LRBA: variants seen among roughly 807,000 people sequenced by gnomAD.
The protein encoded by LRBA is LPS responsive beige-like anchor protein.
LRBA carries 176 observed loss-of-function variants against 330.0 expected under a neutral mutation model. That is an observed-to-expected ratio of 0.53 (90% CI 0.47 to 0.60). The LOEUF is 0.60. Ranked by LOEUF, LRBA falls within the 20% of genes least tolerant of loss-of-function variation. The pLI is 0.00. For synonymous variants in LRBA, 1,230 were observed against 1,193.0 expected (o/e 1.03, Z -0.64); for missense variants, 3,259 against 3,444.8 (o/e 0.95, Z 1.35).
intron 40 of LRBA, among the ~76,000 whole-genome samples, chr4:150,551,739 C>T (rs763197392): frequency 3.3e-5 from 5 of 151,908 alleles, no homozygotes; most frequent in South Asian, 2.1e-4. Flanking sequence ...ATAAGTTATA[C>T]ATGAGAGAGC....
chr4:150,315,399 T>C (rs1243032751), intron 51 of LRBA, 162 bp downstream of exon 51: 1 of 682,346 alleles, frequency 1.5e-6, no homozygotes, highest in Non-Finnish European at 2.6e-6. Flanking sequence ...GTTGATGAAA[T>C]ACCAGCATAG....
chr4:150,358,305 A>G (rs1738167139), intron 47 of LRBA, among the ~76,000 whole-genome samples: 2 of 152,118 alleles, frequency 1.3e-5, no homozygotes, highest in African/African-American at 4.8e-5. Context: ...GAGTCCCAGG[A>G]CTAATAACCT....
At chr4:150,422,819 C>G (rs575177906) in intron 46 of LRBA, 39 of 1,467,982 alleles carry the variant, frequency 2.7e-5, no homozygotes, top group Non-Finnish European at 3.5e-5. Context: ...TGCCCTGGAA[C>G]TTGCCCTGCA....
At chr4:150,363,377 T>G (rs997031549) in intron 47 of LRBA, among the ~76,000 whole-genome samples, 3 of 152,152 alleles carry the variant, frequency 2.0e-5, no homozygotes, top group Non-Finnish European at 4.4e-5. Flanking sequence ...ATATATTTAT[T>G]CTCTCTCTTT....
Position 150,583,606 on chromosome 4 carries a change from C to T in LRBA, c.6330+4442G>A. 1 of 1,614,026 alleles carries T rather than the reference C, an allele frequency of 6.2e-7. No individual in the cohort carries two copies. Among genetic ancestry groups the T allele is most frequent in the Non-Finnish European group, 8.5e-7 (1 of 1,180,016 alleles). ...GGCACAGTGGCCTATGCCCCACATCCCTTGGCCCGGCCCCAATCGGGTGGC... is the reference window on the plus strand; with the variant it reads ...GGCACAGTGGCCTATGCCCCACATCTCTTGGCCCGGCCCCAATCGGGTGGC... On this transcript the variant is annotated intron_variant, in intron 40 of 56. Coordinates refer to ENST00000651943, the MANE Select transcript of LRBA (RefSeq NM_001364905.1). This position sits in a 1 kb window ranked among gnomAD's most constrained non-coding sequence, Gnocchi z 9.8.
At chr4:150,562,841 C>T (rs559097836) in intron 40 of LRBA, among the ~76,000 whole-genome samples, 1 of 151,872 alleles carries the variant, frequency 6.6e-6, no homozygotes, top group South Asian at 2.1e-4. Context: ...GCTCTGTTGA[C>T]CAGGCTGGAA....
intron 47 of LRBA, among the ~76,000 whole-genome samples, chr4:150,398,825 G>T (rs1745096464): frequency 6.6e-6 from 1 of 151,964 alleles, no homozygotes; most frequent in Non-Finnish European, 1.5e-5. Flanking sequence ...ACAGAGTCTT[G>T]CTGTGTTGTT....
chr4:150,998,047 T>C (rs75847444), intron 2 of LRBA, among the ~76,000 whole-genome samples: 44 of 152,120 alleles, frequency 2.9e-4, no homozygotes, highest in Non-Finnish European at 5.0e-4. Flanking sequence ...CTTTTTTTTT[T>C]CTTTTTTAAG....
At chr4:150,529,670 C>A (rs58179947) in intron 40 of LRBA, among the ~76,000 whole-genome samples, 2 of 150,040 alleles carry the variant, frequency 1.3e-5, no homozygotes, top group African/African-American at 2.5e-5. Flanking sequence ...TGCAGTGAGC[C>A]GAGATCATGC....
intron 36 of LRBA, among the ~76,000 whole-genome samples, chr4:150,734,680 T>G (rs529036532): frequency 8.5e-5 from 13 of 152,324 alleles, no homozygotes; most frequent in Admixed American, 2.0e-4. Context: ...TTTGTATTTC[T>G]TATACATGTT....
chr4:150,977,230 G>A (rs910472005), intron 2 of LRBA, among the ~76,000 whole-genome samples: 12 of 152,210 alleles, frequency 7.9e-5, no homozygotes, highest in South Asian at 2.1e-4. Context: ...CTTGAGGAGA[G>A]GAGAGTGAAA....
intron 36 of LRBA, among the ~76,000 whole-genome samples, chr4:150,720,507 A>C (rs1728794586): frequency 1.3e-5 from 2 of 152,122 alleles, no homozygotes; most frequent in South Asian, 4.1e-4. Flanking sequence ...TATCCCGGAC[A>C]AAATAAAACA....
At chr4:150,461,198 G>A (rs574673339) in intron 44 of LRBA, among the ~76,000 whole-genome samples, 1 of 151,862 alleles carries the variant, frequency 6.6e-6, no homozygotes, top group South Asian at 2.1e-4. Flanking sequence ...ACTTCAGCAT[G>A]AGAAGTGAAA....
chr4:150,445,369 CTCTCTCTCTATATATATA>C (rs1752465520), intron 44 of LRBA, among the ~76,000 whole-genome samples: 2 of 84,392 alleles, frequency 2.4e-5, no homozygotes, highest in Non-Finnish European at 2.4e-5. Context: ...CTCTCTCTCT[CTCTCTCTCTATATATATA>C]TATATATATA....
chr4:150,985,980 T>C (rs1382202507), intron 2 of LRBA, among the ~76,000 whole-genome samples: 3 of 152,198 alleles, frequency 2.0e-5, no homozygotes, highest in Middle Eastern at 3.2e-3. Context: ...ATTTTAAATG[T>C]ATAAAAGTGC....
At chr4:150,917,674 C>A (rs1732785886) in intron 5 of LRBA, among the ~76,000 whole-genome samples, 1 of 152,104 alleles carries the variant, frequency 6.6e-6, no homozygotes, top group African/African-American at 2.4e-5. Context: ...CACCTGTAAT[C>A]CCAGCACTTT....
intron 30 of LRBA, among the ~76,000 whole-genome samples, chr4:150,822,827 T>C (rs1745657430): frequency 6.6e-6 from 1 of 152,132 alleles, no homozygotes; most frequent in Non-Finnish European, 1.5e-5. Flanking sequence ...TTTGGATCAC[T>C]TGAGGCCAGG....
At chr4:150,423,459 A>C in intron 46 of LRBA, 1 of 584,990 alleles carries the variant, frequency 1.7e-6, no homozygotes, top group Non-Finnish European at 3.1e-6. Context: ...AGCGGGCCCC[A>C]TTTCTTCATC....
chr4:150,622,987 G>A (rs1200231880), intron 37 of LRBA, among the ~76,000 whole-genome samples: 5 of 152,118 alleles, frequency 3.3e-5, no homozygotes, highest in African/African-American at 7.2e-5. Flanking sequence ...GTGAGCCACC[G>A]CGCCCGGCCA....
Sources: allele counts gnomAD v4.1 joint callset (sites outside exome capture counted in the v4.1 genomes callset), GRCh38; gene constraint gnomAD v4.1.1; non-coding constraint Gnocchi (gnomAD v3.1); transcripts MANE v1.5; gene names NCBI Gene and HGNC (gene_info 2026-07-23, HGNC 2026-07-21).